Variants in KCNQ3 observed in about 807,000 individuals in gnomAD.
KCNQ3 encodes potassium voltage-gated channel subfamily Q member 3, also known as potassium voltage-gated channel subfamily KQT member 3.
KCNQ3 carries 30 observed loss-of-function variants against 92.5 expected under a neutral mutation model. That is an observed-to-expected ratio of 0.32 (90% CI 0.24 to 0.44). The LOEUF is 0.44. Among genes scored for constraint, KCNQ3 ranks in the 20% least tolerant of loss-of-function variants. The pLI, the probability that KCNQ3 is intolerant of heterozygous loss-of-function variation, is 1.00. For missense variants in KCNQ3, 913 were observed against 1,140.3 expected, an observed-to-expected ratio of 0.80 and a Z score of 2.87; for synonymous variants, 450 against 468.8, an observed-to-expected ratio of 0.96 and a Z score of 0.52.
At chr8:132,189,990 C>T (rs980570967) in intron 1 of KCNQ3, among the ~76,000 whole-genome samples, 4 of 148,916 alleles carry the variant, frequency 2.7e-5, no homozygotes, top group African/African-American at 9.9e-5. Context: ...ATCTTAAGTT[C>T]TTGGTCCAAC....
intron 1 of KCNQ3, among the ~76,000 whole-genome samples, chr8:132,192,390 A>G (rs986361025): frequency 2.0e-5 from 3 of 152,210 alleles, no homozygotes; most frequent in African/African-American, 7.2e-5. Flanking sequence ...TAACATATGA[A>G]CTTAATTTCA....
At chr8:132,210,204 C>T (rs777773674) in intron 1 of KCNQ3, among the ~76,000 whole-genome samples, 35 of 152,180 alleles carry the variant, frequency 2.3e-4, no homozygotes, top group Admixed American at 7.2e-4. Flanking sequence ...TAAACTTCCT[C>T]ATGTGATAGT....
chr8:132,419,070 G>A (rs1820896935), intron 1 of KCNQ3, among the ~76,000 whole-genome samples: 1 of 152,158 alleles, frequency 6.6e-6, no homozygotes, highest in South Asian at 2.1e-4. Flanking sequence ...AGAAAAGCGA[G>A]GCAACATCAC....
chr8:132,285,350 C>T (rs1816650415), intron 1 of KCNQ3, among the ~76,000 whole-genome samples: 1 of 152,106 alleles, frequency 6.6e-6, no homozygotes, highest in African/African-American at 2.4e-5. Context: ...CAGTAAAGGC[C>T]ATTTTTATGA....
In KCNQ3 at chr8:132,140,068, G is replaced by A. The variant is rs370337209; in HGVS notation, c.1568+8C>T. 9 of 1,581,000 alleles carry A rather than the reference G, an allele frequency of 5.7e-6. No homozygotes were observed. In the African/African-American group the frequency reaches 1.1e-4, roughly 19 times the overall value. ...ACACAGGCACAGGTGGGACCGTGGG[G>A]GCATTACCTGACGGCTCGGATGGCG... On this transcript the variant is annotated splice_region_variant and intron_variant, in intron 11 of 14. Transcript: ENST00000388996.
intron 1 of KCNQ3, among the ~76,000 whole-genome samples, chr8:132,234,959 C>T (rs1465947643): frequency 4.6e-5 from 7 of 152,068 alleles, no homozygotes; most frequent in Admixed American, 6.6e-5. Context: ...TGATGGTTGC[C>T]CAACCTTATG....
At chr8:132,293,254 A>T (rs1586901921) in intron 1 of KCNQ3, among the ~76,000 whole-genome samples, 1 of 152,198 alleles carries the variant, frequency 6.6e-6, no homozygotes, top group African/African-American at 2.4e-5. Flanking sequence ...AGAGGGGGTC[A>T]TGGGAACCCC....
At chr8:132,301,187 C>T (rs970823170) in intron 1 of KCNQ3, among the ~76,000 whole-genome samples, 2 of 152,126 alleles carry the variant, frequency 1.3e-5, no homozygotes, top group Admixed American at 1.3e-4. Context: ...AGCGAATGTG[C>T]TCTATTTCTG....
chr8:132,187,763 TGGTGGTAGTGATAGTGATGGTGGTGGC>T (rs1827024423), intron 1 of KCNQ3, among the ~76,000 whole-genome samples: 2 of 149,586 alleles, frequency 1.3e-5, no homozygotes, highest in South Asian at 2.1e-4. Flanking sequence ...GTAGTGATGA[TGGTGGTAGTGATAGTGATGGTGGTGGC>T]GGTGGTGGTG....
chr8:132,141,302 C>T lies in KCNQ3; in HGVS notation c.1292G>A (p.Arg431His), dbSNP rs2130944718. 1.2e-6 allele frequency: 2 copies of T among 1,614,078 alleles called. No individual in the cohort carries two copies. The highest frequency in any genetic ancestry group is 1.7e-6 in the Non-Finnish European group (2 of 1,180,006). ...SQKLGLLDRV[R>H]LSNPRGSNTK... ...ATTGCTACCACGAGGATTAGAAAGG[C>T]GAACCCGATCCAAGAGACCCAGCTT... Residue 431 changes from arginine to histidine, a missense_variant, in exon 10 of 15, where the codon CGC (arginine) becomes CAC (histidine). Physicochemically the swap from Arg to His is conservative, Grantham distance 29 (BLOSUM62 0). Transcript: ENST00000388996.
intron 1 of KCNQ3, among the ~76,000 whole-genome samples, chr8:132,278,990 C>A (rs1816427747): frequency 6.6e-6 from 1 of 151,974 alleles, no homozygotes; most frequent in Non-Finnish European, 1.5e-5. Context: ...CTGAGGCAGG[C>A]AGATCACTTG....
chr8:132,176,727 C>T (rs2130138938), intron 4 of KCNQ3, among the ~76,000 whole-genome samples: 1 of 152,350 alleles, frequency 6.6e-6, no homozygotes, highest in South Asian at 2.1e-4. Context: ...AGACTCATGT[C>T]ACCTCCACTA....
chr8:132,320,052 A>G (rs1219641001), intron 1 of KCNQ3, among the ~76,000 whole-genome samples: 1 of 152,140 alleles, frequency 6.6e-6, no homozygotes, highest in African/African-American at 2.4e-5. Flanking sequence ...ATTCCAATAA[A>G]CCCATAGATT....
intron 1 of KCNQ3, among the ~76,000 whole-genome samples, chr8:132,430,136 GAGCTGTCTCTTCAC>G (rs752789504): frequency 1.1e-3 from 175 of 152,256 alleles, no homozygotes; most frequent in Non-Finnish European, 2.1e-3. Flanking sequence ...GTTCTTTCAT[GAGCTGTCTCTTCAC>G]AGAAATTATG....
At chr8:132,456,815 C>A (rs1821953807) in intron 1 of KCNQ3, among the ~76,000 whole-genome samples, 1 of 152,036 alleles carries the variant, frequency 6.6e-6, no homozygotes, top group Non-Finnish European at 1.5e-5. Context: ...GGTTTCATCA[C>A]ATTGCTCAAG....
At chr8:132,155,753 A>G (rs1431302850) in intron 9 of KCNQ3, among the ~76,000 whole-genome samples, 1 of 152,182 alleles carries the variant, frequency 6.6e-6, no homozygotes, top group African/African-American at 2.4e-5. Context: ...ACCTAGCTCA[A>G]TCTCTGCCTT....
chr8:132,218,534 G>C (rs1814116850), intron 1 of KCNQ3, among the ~76,000 whole-genome samples: 2 of 152,112 alleles, frequency 1.3e-5, no homozygotes, highest in African/African-American at 2.4e-5. Context: ...AGAGAATAAG[G>C]CTTTTTTTAT....
chr8:132,251,973 G>T (rs1183262735), intron 1 of KCNQ3, among the ~76,000 whole-genome samples: 3 of 152,178 alleles, frequency 2.0e-5, no homozygotes, highest in Non-Finnish European at 4.4e-5. Context: ...TCATCTTCTG[G>T]ATCCTTCTTA....
chr8:132,157,307 T>A (rs1471687969), intron 9 of KCNQ3, among the ~76,000 whole-genome samples: 2 of 152,218 alleles, frequency 1.3e-5, no homozygotes, highest in Non-Finnish European at 1.5e-5. Flanking sequence ...AGGACCATCT[T>A]TTCCCTATTT....
Sources: gnomAD v4.1 joint callset for allele counts (sites outside exome capture counted in the v4.1 genomes callset) on GRCh38, gnomAD v4.1.1 for gene constraint, MANE v1.5 for transcripts, NCBI Gene and HGNC (gene_info 2026-07-23, HGNC 2026-07-21) for gene names.